LRRC4C: variants seen among roughly 807,000 people sequenced by gnomAD.
The protein encoded by LRRC4C is leucine-rich repeat-containing protein 4C.
Under a neutral mutation model 33.6 loss-of-function variants are expected in LRRC4C, and 5 were observed. The ratio of observed to expected loss-of-function variants is 0.15; its 90% CI spans 0.08 to 0.31. The LOEUF (loss-of-function observed/expected upper bound fraction) is 0.31. LRRC4C is among the 10% of genes least tolerant of loss of function. LRRC4C has a pLI of 1.00. For missense variants in LRRC4C, 560 were observed against 796.7 expected (o/e 0.70, Z 3.58); for synonymous variants, 329 against 302.0 (o/e 1.09, Z -0.93).
At chr11:40,773,998 G>A (rs765321103) in intron 2 of LRRC4C, among the ~76,000 whole-genome samples, 6 of 151,970 alleles carry the variant, frequency 3.9e-5, no homozygotes, top group Admixed American at 6.6e-5. Context: ...TGCCCATCAA[G>A]CAATCACTCT....
intron 3 of LRRC4C, among the ~76,000 whole-genome samples, chr11:40,432,381 G>A (rs1323797140): frequency 6.6e-6 from 1 of 152,106 alleles, no homozygotes. Flanking sequence ...GTTATAACAT[G>A]TTCTGTGCCA....
At chr11:40,427,835 C>T (rs1366125642) in intron 3 of LRRC4C, among the ~76,000 whole-genome samples, 1 of 151,786 alleles carries the variant, frequency 6.6e-6, no homozygotes, top group South Asian at 2.1e-4. Context: ...CTTAAAAAAA[C>T]AAAAGACCAA....
intron 3 of LRRC4C, among the ~76,000 whole-genome samples, chr11:40,550,496 C>A (rs1159594200): frequency 1.3e-5 from 2 of 152,162 alleles, no homozygotes; most frequent in Non-Finnish European, 2.9e-5. Context: ...ACAGAGGACT[C>A]TTTAATGGCC....
intron 1 of LRRC4C, among the ~76,000 whole-genome samples, chr11:40,981,141 C>T (rs1390516294): frequency 1.3e-5 from 2 of 152,176 alleles, no homozygotes; most frequent in African/African-American, 2.4e-5. Flanking sequence ...GGCGGCTGGG[C>T]GAGGTGGCTC....
At chr11:41,076,173 C>T (rs1422306715) in intron 1 of LRRC4C, among the ~76,000 whole-genome samples, 1 of 151,982 alleles carries the variant, frequency 6.6e-6, no homozygotes. Context: ...ATCTCCTGAA[C>T]CTCATATTCA....
At chr11:41,013,791 C>T (rs1855385124) in intron 1 of LRRC4C, among the ~76,000 whole-genome samples, 1 of 152,140 alleles carries the variant, frequency 6.6e-6, no homozygotes, top group South Asian at 2.1e-4. Context: ...AGTTGGCTTA[C>T]AGTTCTGCAA....
At chr11:41,093,285 T>A (rs545795482) in intron 1 of LRRC4C, among the ~76,000 whole-genome samples, 39 of 152,344 alleles carry the variant, frequency 2.6e-4, no homozygotes, top group African/African-American at 9.1e-4. Flanking sequence ...ACACTGATTG[T>A]TCATCAGCAG....
At chr11:41,410,583 G>A (rs975992604) in intron 1 of LRRC4C, among the ~76,000 whole-genome samples, 3 of 151,796 alleles carry the variant, frequency 2.0e-5, no homozygotes, top group Non-Finnish European at 4.4e-5. Flanking sequence ...TGGGACTACA[G>A]GCGCCCGCCA....
At chr11:41,379,563 A>G (rs1315553561) in intron 1 of LRRC4C, among the ~76,000 whole-genome samples, 1 of 152,146 alleles carries the variant, frequency 6.6e-6, no homozygotes, top group Non-Finnish European at 1.5e-5. Flanking sequence ...TAAGTATCAT[A>G]AAATAGCCCC....
At position 40,762,080 on chromosome 11, in the gene LRRC4C, G is replaced by A. The variant is rs553217459; in HGVS notation, c.-406-113802C>T. The stretch of plus-strand genomic sequence containing the variant: ...ATAGCATAGAAGGACATTTTCCAAG[G>A]GATTGTTCCTGGAATTGGCTATTTT... On this transcript the variant is annotated intron_variant, in intron 2 of 6. Coordinates refer to ENST00000528697, the MANE Select transcript of LRRC4C (RefSeq NM_001258419.2). Among the ~76,000 whole-genome samples, 5 of 152,194 alleles carry A rather than the reference G, an allele frequency of 3.3e-5. No homozygotes were observed. In the South Asian group the frequency reaches 1.0e-3, roughly 32 times the overall value.
chr11:40,787,193 A>C (rs1409745195), intron 2 of LRRC4C, among the ~76,000 whole-genome samples: 2 of 152,092 alleles, frequency 1.3e-5, no homozygotes, highest in East Asian at 3.9e-4. Flanking sequence ...GAATTTCTTT[A>C]GAGAAATTAA....
At chr11:41,264,049 G>A (rs1949068124) in intron 1 of LRRC4C, among the ~76,000 whole-genome samples, 1 of 151,072 alleles carries the variant, frequency 6.6e-6, no homozygotes, top group African/African-American at 2.4e-5. Flanking sequence ...AATTGCAAAT[G>A]GTTACTTTTA....
intron 1 of LRRC4C, among the ~76,000 whole-genome samples, chr11:41,303,446 C>T (rs1467851865): frequency 7.5e-6 from 1 of 132,686 alleles, no homozygotes; most frequent in South Asian, 2.6e-4. Context: ...ACAACCTACA[C>T]CTCCCAGCCG....
At chr11:40,895,689 T>A (rs955705241) in intron 2 of LRRC4C, among the ~76,000 whole-genome samples, 4 of 152,234 alleles carry the variant, frequency 2.6e-5, no homozygotes, top group Non-Finnish European at 5.9e-5. Flanking sequence ...TTCTCTGTTT[T>A]GTGAAAGTGA....
intron 3 of LRRC4C, among the ~76,000 whole-genome samples, chr11:40,426,531 T>G (rs1280974659): frequency 1.3e-5 from 2 of 152,218 alleles, no homozygotes; most frequent in Non-Finnish European, 2.9e-5. Context: ...ACGCCTACTC[T>G]GACCAGTTCA....
intron 2 of LRRC4C, among the ~76,000 whole-genome samples, chr11:40,904,971 A>G (rs1206711156): frequency 1.3e-5 from 2 of 152,154 alleles, no homozygotes; most frequent in Non-Finnish European, 2.9e-5. Flanking sequence ...GTCAAAAAAT[A>G]CAAGCAAGCT....
intron 1 of LRRC4C, among the ~76,000 whole-genome samples, chr11:41,208,117 G>A (rs1223514133): frequency 6.6e-6 from 1 of 152,086 alleles, no homozygotes; most frequent in Non-Finnish European, 1.5e-5. Context: ...GAACATTAAA[G>A]GTGCTTCTGG....
At chr11:41,165,760 T>A (rs1351846428) in intron 1 of LRRC4C, among the ~76,000 whole-genome samples, 1 of 152,134 alleles carries the variant, frequency 6.6e-6, no homozygotes, top group Non-Finnish European at 1.5e-5. Flanking sequence ...CCGGGCATAG[T>A]GGCTCAGACC....
intron 3 of LRRC4C, among the ~76,000 whole-genome samples, chr11:40,600,683 T>C (rs1252454259): frequency 6.6e-6 from 1 of 152,184 alleles, no homozygotes; most frequent in Non-Finnish European, 1.5e-5. Context: ...TAAGAGATAA[T>C]CTATTTGTAT....
Sources: gnomAD v4.1 joint callset for allele counts (sites outside exome capture counted in the v4.1 genomes callset) on GRCh38, gnomAD v4.1.1 for gene constraint, MANE v1.5 for transcripts, NCBI Gene and HGNC (gene_info 2026-07-23, HGNC 2026-07-21) for gene names.